PLAU: variants seen among roughly 807,000 people sequenced by gnomAD.
PLAU encodes urokinase-type plasminogen activator.
In PLAU, 32 loss-of-function variants were observed where a neutral mutation model predicts 48.9. That is an observed-to-expected ratio of 0.65 (90% confidence interval 0.49 to 0.88). The LOEUF (loss-of-function observed/expected upper bound fraction) is 0.88. PLAU is among the 40% of genes least tolerant of loss of function. PLAU has a pLI of 0.00. For synonymous variants in PLAU, 199 were observed against 205.7 expected, an observed-to-expected ratio of 0.97 and a Z score of 0.28; for missense variants, 455 against 545.2, an observed-to-expected ratio of 0.83 and a Z score of 1.65.
chr10:73,911,306 G>A (rs2096123387), intron 1 of PLAU, 88 bp downstream of exon 1: 9 of 590,944 alleles, frequency 1.5e-5, no homozygotes, highest in Non-Finnish European at 2.1e-5. Flanking sequence ...GGGCTGCCCG[G>A]GCTCCCTGGG....
rs1386422906 is a variant in PLAU at position 73,912,264 on chromosome 10, C to T, written c.135C>T (p.Phe45=). 6.2e-7 allele frequency: 1 copy of T among 1,614,140 alleles called. No homozygotes were observed. The highest frequency in any genetic ancestry group is 8.5e-7 in the Non-Finnish European group (1 of 1,180,042). ...NGGTCVSNKY[F]SNIHWCNCPK... ...GAACATGTGTGTCCAACAAGTACTT[C>T]TCCAACATTCACTGGTGCAACTGCC... The change falls in exon 4 of 11, where the codon TTC becomes TTT. Residue 45 remains phenylalanine, a synonymous_variant. Coordinates refer to ENST00000372764, the MANE Select transcript of PLAU (RefSeq NM_002658.6).
In PLAU at chr10:73,915,398, A is replaced by T. The variant is rs1367662524; in HGVS notation, c.1118A>T (p.Gln373Leu). 6.2e-7 allele frequency: 1 copy of T among 1,602,914 alleles called. No individual in the cohort carries two copies. The highest frequency in any genetic ancestry group is 8.5e-7 in the Non-Finnish European group (1 of 1,174,642). ...ADPQWKTDSCQGDSGGPLVCS... is the reference protein window; with the variant it reads ...ADPQWKTDSCLGDSGGPLVCS... ...CCACAGTGGAAAACAGATTCCTGCCAGGTGAGTGTTCCAAGCATCTCTCTC... is the reference window on the plus strand; with the variant it reads ...CCACAGTGGAAAACAGATTCCTGCCTGGTGAGTGTTCCAAGCATCTCTCTC... The change falls in exon 10 of 11, where the codon CAG (glutamine) becomes CTG (leucine). Residue 373 changes from glutamine (Q) to leucine (L), a missense_variant and splice_region_variant. Gln to Leu is a moderately radical substitution (Grantham distance 113). Coordinates refer to ENST00000372764, the MANE Select transcript of PLAU (RefSeq NM_002658.6).
chr10:73,912,488 C>G (rs115703038), intron 4 of PLAU, among the ~76,000 whole-genome samples, 166 bp downstream of exon 4: 166 of 152,278 alleles, frequency 1.1e-3, no homozygotes, highest in African/African-American at 3.5e-3. Flanking sequence ...AGTGGCCACA[C>G]AAATGTGAGG....
intron 9 of PLAU, 85 bp from the exon 10 acceptor site, chr10:73,915,166 A>G (rs1177307059): frequency 2.2e-6 from 3 of 1,386,966 alleles, no homozygotes; most frequent in Admixed American, 2.0e-5. Flanking sequence ...TCCCTGGTAG[A>G]GATACTTTAT....
In PLAU at chr10:73,916,759, C is replaced by A; in HGVS notation, c.*194C>A. On this transcript the variant is annotated 3_prime_UTR_variant, in exon 11 of 11. Transcript: ENST00000372764. Reference sequence around the variant, plus strand: ...TAGGCCTGGGTGCTGGCTGCCCAGACCCCTCTGGCCAGGATGGAGGGGTGG... The same window carrying A: ...TAGGCCTGGGTGCTGGCTGCCCAGAACCCTCTGGCCAGGATGGAGGGGTGG... The A allele has an allele frequency of 1.7e-6, 1 of 585,098 alleles. No homozygotes were observed. The highest frequency in any genetic ancestry group is 2.1e-5 in the South Asian group (1 of 46,640). The allele number at this position is 585,098 out of a possible 1,614,324, so 36.2% of individuals were successfully genotyped here.
In PLAU at chr10:73,912,215, C is replaced by T. The variant is rs370557565; in HGVS notation, c.86C>T (p.Ser29Leu). The change falls in exon 4 of 11, where the codon TCG (serine) becomes TTG (leucine). Residue 29 changes from serine (S) to leucine (L), a missense_variant and splice_region_variant. Transcript: ENST00000372764. Reference protein sequence around the residue: ...KGSNELHQVPSNCDCLNGGTC... With the variant: ...KGSNELHQVPLNCDCLNGGTC... ...CTTACCCCACCTTTGTTCTCTCCAG[C>T]GAACTGTGACTGTCTAAATGGAGGA... 1.1e-5 allele frequency: 17 copies of T among 1,614,170 alleles called. No homozygotes were observed. Among genetic ancestry groups the T allele is most frequent in the South Asian group, 2.2e-5 (2 of 91,086 alleles).
chr10:73,911,446 C>G (rs369029357), intron 1 of PLAU, 79 bp from the exon 2 acceptor site: 5 of 1,397,904 alleles, frequency 3.6e-6, no homozygotes, highest in Non-Finnish European at 4.9e-6. Flanking sequence ...CCGCGGGCAT[C>G]TCCCCTGCGC....
intron 8 of PLAU, among the ~76,000 whole-genome samples, chr10:73,914,469 A>C (rs2096132081): frequency 6.6e-6 from 1 of 152,202 alleles, no homozygotes; most frequent in Admixed American, 6.5e-5. Context: ...CTGTGCTAGG[A>C]TATAGAACTT....
At chr10:73,911,994 C>T (rs2096125449) in intron 2 of PLAU, 47 bp from the exon 3 acceptor site, 3 of 1,614,016 alleles carry the variant, frequency 1.9e-6, no homozygotes, top group Admixed American at 1.7e-5. Flanking sequence ...CCTGGAGTCC[C>T]TGGAGCATGG....
At chr10:73,911,790 T>A in intron 2 of PLAU, 178 bp downstream of exon 2, 2 of 1,551,738 alleles carry the variant, frequency 1.3e-6, no homozygotes, top group South Asian at 1.2e-5. Context: ...GGGTTGGCAC[T>A]GGCTGGCAAG....
At chr10:73,913,260 A>G in intron 5 of PLAU, 30 bp from the exon 6 acceptor site, 1 of 1,611,640 alleles carries the variant, frequency 6.2e-7, no homozygotes, top group Non-Finnish European at 8.5e-7. Context: ...CTGGGTTGGA[A>G]TGACATCCCC....
chr10:73,915,477 G>GC, intron 10 of PLAU, 78 bp downstream of exon 10: 1 of 1,403,186 alleles, frequency 7.1e-7, no homozygotes, highest in Non-Finnish European at 9.6e-7. Context: ...CAGCTTAAGG[G>GC]TGTCTCTCTC....
At chr10:73,916,275 G>T in intron 10 of PLAU, 114 bp from the exon 11 acceptor site, 3 of 925,486 alleles carry the variant, frequency 3.2e-6, no homozygotes. Context: ...ATGGGAAGTC[G>T]CTAAGGACTT....
chr10:73,916,257 G>A, intron 10 of PLAU, 132 bp from the exon 11 acceptor site: 1 of 808,044 alleles, frequency 1.2e-6, no homozygotes, highest in South Asian at 1.7e-5. Context: ...CCGAAAAAAA[G>A]AAAGAAAATG....
At position 73,913,371 on chromosome 10, in the gene PLAU, C is replaced by T. The variant is rs749165990; in HGVS notation, c.450C>T (p.Asp150=). Residue 150 remains aspartate, a synonymous_variant, in exon 6 of 11, where the codon GAC becomes GAT. Coordinates refer to ENST00000372764, the MANE Select transcript of PLAU (RefSeq NM_002658.6). ...TTGTCCAAGAGTGCATGGTGCATGA[C>T]TGCGCAGATGGTGAGCATCACTGAC... ...KLLVQECMVH[D]CADGKKPSSP... is the part of the protein sequence containing the mutation. The T allele has an allele frequency of 3.1e-6, 5 of 1,613,740 alleles. No homozygotes were observed. Among genetic ancestry groups the T allele is most frequent in the Admixed American group, 1.7e-5 (1 of 60,008 alleles).
At chr10:73,915,853 G>C (rs574616627) in intron 10 of PLAU, among the ~76,000 whole-genome samples, 57 of 152,310 alleles carry the variant, frequency 3.7e-4, no homozygotes, top group African/African-American at 1.3e-3. Flanking sequence ...TTCCGGGTGG[G>C]GAGGAGAACT....
intron 8 of PLAU, 71 bp from the exon 9 acceptor site, chr10:73,914,705 C>A: frequency 6.7e-7 from 1 of 1,481,524 alleles, no homozygotes; most frequent in Non-Finnish European, 9.2e-7. Context: ...TTCCTCGGCA[C>A]TTGGAGGGGA....
intron 8 of PLAU, 118 bp downstream of exon 8, chr10:73,914,246 T>G (rs1263537790): frequency 2.1e-6 from 2 of 940,720 alleles, no homozygotes; most frequent in South Asian, 3.1e-5. Flanking sequence ...CGAGGGACCT[T>G]GAAGCCTCGA....
In PLAU at chr10:73,912,996, G is replaced by T. The variant is rs149869183; in HGVS notation, c.266G>T (p.Arg89Leu). 2.2e-5 allele frequency: 36 copies of T among 1,614,082 alleles called. No individual in the cohort carries two copies. The highest frequency in any genetic ancestry group is 3.0e-5 in the Non-Finnish European group (35 of 1,179,944). The change falls in exon 5 of 11, where the codon CGG (arginine) becomes CTG (leucine). Residue 89 changes from arginine (R) to leucine (L), a missense_variant. Physicochemically the swap from Arg to Leu is moderately radical, Grantham distance 102. Coordinates refer to ENST00000372764, the MANE Select transcript of PLAU (RefSeq NM_002658.6). Reference sequence around the variant, plus strand: ...AAGGCCAGCACTGACACCATGGGCCGGCCCTGCCTGCCCTGGAACTCTGCC... The same window carrying T: ...AAGGCCAGCACTGACACCATGGGCCTGCCCTGCCTGCCCTGGAACTCTGCC... ...RGKASTDTMG[R>L]PCLPWNSATV...
Sources: gnomAD v4.1 joint callset for allele counts (sites outside exome capture counted in the v4.1 genomes callset) on GRCh38, gnomAD v4.1.1 for gene constraint, MANE v1.5 for transcripts, NCBI Gene and HGNC (gene_info 2026-07-23, HGNC 2026-07-21) for gene names.